INPP4B: variants seen among roughly 807,000 people sequenced by gnomAD.
INPP4B encodes inositol polyphosphate-4-phosphatase type II B, also known as inositol polyphosphate 4-phosphatase type II.
INPP4B carries 55 observed loss-of-function variants against 122.5 expected under a neutral mutation model. The ratio of observed to expected loss-of-function variants is 0.45; its 90% CI spans 0.36 to 0.56. The LOEUF (loss-of-function observed/expected upper bound fraction) is 0.56, where lower values mean the gene tolerates loss of function less well. INPP4B is among the 20% of genes least tolerant of loss of function. INPP4B has a pLI of 0.00. For missense variants in INPP4B, 1,000 were observed against 1,097.7 expected (o/e 0.91, Z 1.26); for synonymous variants, 403 against 388.7 (o/e 1.04, Z -0.43).
At chr4:142,029,189 AG>A in intron 25 of INPP4B, 1 of 1,102,674 alleles carries the variant, frequency 9.1e-7, no homozygotes, top group Non-Finnish European at 1.1e-6. Context: ...TCCACAATAC[AG>A]CTCCACTTTA....
chr4:142,831,846 C>T (rs866213569), intron 1 of INPP4B, among the ~76,000 whole-genome samples: 5 of 152,166 alleles, frequency 3.3e-5, no homozygotes, highest in African/African-American at 1.2e-4. Context: ...GAAGAATTAT[C>T]ACCCAAGGTG....
At position 142,123,339 on chromosome 4, in the gene INPP4B, T is replaced by C; in HGVS notation, c.1970A>G (p.His657Arg). Residue 657 changes from histidine (H) to arginine (R), a missense_variant, in exon 20 of 26, where the codon CAC (histidine) becomes CGC (arginine). Coordinates refer to ENST00000262992, the MANE Select transcript of INPP4B (RefSeq NM_001101669.3). ...LYDPGFLQQLHTVGLIVQYEG... is the reference protein window; with the variant it reads ...LYDPGFLQQLRTVGLIVQYEG... ...ATATTGTACTATCAACCCCACTGTG[T>C]GAAGCTGCTGTAGGAAGCCTGGGTC... 6.2e-7 allele frequency: 1 copy of C among 1,613,044 alleles called. No individual in the cohort carries two copies. The highest frequency in any genetic ancestry group is 8.5e-7 in the Non-Finnish European group (1 of 1,179,234).
intron 7 of INPP4B, among the ~76,000 whole-genome samples, chr4:142,389,264 A>G (rs1579927685): frequency 6.6e-6 from 1 of 151,868 alleles, no homozygotes; most frequent in Admixed American, 6.6e-5. Context: ...AAAAAAAAAA[A>G]AAAAGAAACT....
At chr4:142,523,529 C>T (rs1315067332) in intron 2 of INPP4B, among the ~76,000 whole-genome samples, 1 of 152,112 alleles carries the variant, frequency 6.6e-6, no homozygotes, top group Non-Finnish European at 1.5e-5. Context: ...TCCTTGCAAT[C>T]CACCTACTTG....
intron 2 of INPP4B, among the ~76,000 whole-genome samples, chr4:142,573,323 T>C (rs565653867): frequency 1.3e-5 from 2 of 152,246 alleles, no homozygotes; most frequent in Non-Finnish European, 2.9e-5. Context: ...CAGCACTTTG[T>C]GCTACCCAGT....
chr4:142,288,652 C>T (rs933486058), intron 9 of INPP4B, among the ~76,000 whole-genome samples: 2 of 152,152 alleles, frequency 1.3e-5, no homozygotes, highest in South Asian at 4.1e-4. Flanking sequence ...CCTTTAATTA[C>T]AGTTCTATAC....
chr4:142,257,907 C>A (rs1397541808), intron 11 of INPP4B, among the ~76,000 whole-genome samples: 2 of 152,130 alleles, frequency 1.3e-5, no homozygotes, highest in Non-Finnish European at 2.9e-5. Flanking sequence ...CAATCCTAAG[C>A]CAAAAGAACA....
At chr4:142,553,779 A>T (rs1728505891) in intron 2 of INPP4B, among the ~76,000 whole-genome samples, 1 of 151,858 alleles carries the variant, frequency 6.6e-6, no homozygotes, top group South Asian at 2.1e-4. Flanking sequence ...TTGCCCTTAA[A>T]CCTGTCTTGG....
intron 9 of INPP4B, among the ~76,000 whole-genome samples, chr4:142,281,286 A>C (rs2150781591): frequency 6.6e-6 from 1 of 152,024 alleles, no homozygotes; most frequent in Non-Finnish European, 1.5e-5. Context: ...AGAAGCAAAA[A>C]ATAGATACAC....
intron 1 of INPP4B, among the ~76,000 whole-genome samples, chr4:142,801,656 G>A (rs187447724): frequency 0.011 from 1,637 of 152,316 alleles, 113 homozygotes; most frequent in Admixed American, 0.1. Flanking sequence ...ACAGATGGAT[G>A]TCAGTGAAAG....
chr4:142,431,483 C>G, intron 3 of INPP4B, 98 bp from the exon 4 acceptor site: 1 of 536,138 alleles, frequency 1.9e-6, no homozygotes, highest in Non-Finnish European at 3.3e-6. Flanking sequence ...TTCAAATAAA[C>G]TTTCTTCCTG....
At chr4:142,773,132 A>T (rs1208351013) in intron 1 of INPP4B, among the ~76,000 whole-genome samples, 1 of 152,136 alleles carries the variant, frequency 6.6e-6, no homozygotes, top group Non-Finnish European at 1.5e-5. Context: ...GACTTAGGAA[A>T]TGGATGCTCT....
At chr4:142,638,546 C>CTTTT (rs3080813) in intron 2 of INPP4B, among the ~76,000 whole-genome samples, 10 of 134,304 alleles carry the variant, frequency 7.4e-5, no homozygotes, top group Non-Finnish European at 1.2e-4. Context: ...TGTCTATTCT[C>CTTTT]TTTTTTTTTT....
chr4:142,763,829 T>A (rs2150980695), intron 1 of INPP4B, among the ~76,000 whole-genome samples: 1 of 152,238 alleles, frequency 6.6e-6, no homozygotes, highest in Admixed American at 6.5e-5. Flanking sequence ...TTGTAAAAAT[T>A]TTTTTAAAAA....
chr4:142,669,801 C>T (rs980672077), intron 2 of INPP4B, among the ~76,000 whole-genome samples: 5 of 151,858 alleles, frequency 3.3e-5, no homozygotes, highest in Non-Finnish European at 5.9e-5. Flanking sequence ...AAGCAGTAGC[C>T]ATAGCCATGG....
intron 25 of INPP4B, among the ~76,000 whole-genome samples, chr4:142,033,648 CTAAG>C (rs1005222550): frequency 2.7e-5 from 4 of 149,260 alleles, no homozygotes; most frequent in African/African-American, 7.4e-5. Flanking sequence ...TTTTTATCTC[CTAAG>C]TAAGTTCTCC....
At chr4:142,259,036 G>A (rs1304623168) in intron 11 of INPP4B, among the ~76,000 whole-genome samples, 3 of 152,044 alleles carry the variant, frequency 2.0e-5, no homozygotes, top group Non-Finnish European at 1.5e-5. Flanking sequence ...AAAAAATGAT[G>A]AGTTCATGTC....
chr4:142,162,768 G>C (rs760353208), intron 16 of INPP4B, among the ~76,000 whole-genome samples: 1 of 151,912 alleles, frequency 6.6e-6, no homozygotes, highest in Non-Finnish European at 1.5e-5. Flanking sequence ...ATGCAGGAGA[G>C]TCCTGCAGTT....
At chr4:142,376,075 G>T (rs956907268) in intron 7 of INPP4B, among the ~76,000 whole-genome samples, 1 of 151,998 alleles carries the variant, frequency 6.6e-6, no homozygotes, top group Non-Finnish European at 1.5e-5. Context: ...AAAGAGGCCT[G>T]TGCATATGTC....
Sources: gnomAD v4.1 joint callset for allele counts (sites outside exome capture counted in the v4.1 genomes callset) on GRCh38, gnomAD v4.1.1 for gene constraint, MANE v1.5 for transcripts, NCBI Gene and HGNC (gene_info 2026-07-23, HGNC 2026-07-21) for gene names.